NECAB1: variants seen among roughly 807,000 people sequenced by gnomAD.
NECAB1 encodes N-terminal EF-hand calcium-binding protein 1.
NECAB1 carries 29 observed loss-of-function variants against 57.5 expected under a neutral mutation model. The ratio of observed to expected loss-of-function variants is 0.50; its 90% confidence interval spans 0.38 to 0.69. The LOEUF is 0.69. Among genes scored for constraint, NECAB1 ranks in the 30% least tolerant of loss-of-function variants. The pLI is 0.00. For synonymous variants in NECAB1, 142 were observed against 147.7 expected (o/e 0.96, Z 0.28); for missense variants, 372 against 413.8 (o/e 0.90, Z 0.88).
chr8:90,814,563 G>A (rs781240312), intron 2 of NECAB1, among the ~76,000 whole-genome samples: 3 of 151,990 alleles, frequency 2.0e-5, no homozygotes, highest in Non-Finnish European at 4.4e-5. Flanking sequence ...ACAACATTAT[G>A]GACACATGGA....
At chr8:90,853,271 T>C (rs1812722894) in intron 3 of NECAB1, among the ~76,000 whole-genome samples, 1 of 152,252 alleles carries the variant, frequency 6.6e-6, no homozygotes, top group African/African-American at 2.4e-5. Flanking sequence ...CTCCAGTTCC[T>C]GCCTCTTTCT....
intron 5 of NECAB1, among the ~76,000 whole-genome samples, chr8:90,891,692 T>C (rs1386424498): frequency 6.6e-6 from 1 of 151,966 alleles, no homozygotes; most frequent in African/African-American, 2.4e-5. Flanking sequence ...AAGACTTTTT[T>C]TCTTTTTCTT....
chr8:90,934,050 A>G (rs1475812236), intron 8 of NECAB1, among the ~76,000 whole-genome samples: 1 of 152,102 alleles, frequency 6.6e-6, no homozygotes, highest in East Asian at 1.9e-4. Flanking sequence ...TTTGCTCTCT[A>G]ATGGCATTCA....
At chr8:90,910,668 T>C (rs1291444651) in intron 5 of NECAB1, among the ~76,000 whole-genome samples, 1 of 152,164 alleles carries the variant, frequency 6.6e-6, no homozygotes, top group East Asian at 1.9e-4. Context: ...TGACCGATTT[T>C]AAGAGTTCAC....
intron 3 of NECAB1, among the ~76,000 whole-genome samples, chr8:90,860,238 CTTTTTTTTT>C (rs34293565): frequency 7.3e-6 from 1 of 136,884 alleles, no homozygotes; most frequent in South Asian, 2.3e-4. Context: ...TCTTTTTTTT[CTTTTTTTTT>C]TTTTTTTAAC....
intron 3 of NECAB1, among the ~76,000 whole-genome samples, chr8:90,852,308 CCCATTATCACAT>C (rs1179713157): frequency 1.2e-4 from 19 of 152,164 alleles, no homozygotes; most frequent in Admixed American, 1.2e-3. Context: ...CAGTAACTTG[CCCATTATCACAT>C]CACTTGTAAA....
At chr8:90,922,976 A>C (rs558128058) in intron 6 of NECAB1, among the ~76,000 whole-genome samples, 2 of 152,332 alleles carry the variant, frequency 1.3e-5, no homozygotes, top group African/African-American at 2.4e-5. Context: ...AAAGGGACAG[A>C]AACTTGGAAG....
At chr8:90,926,734 C>G (rs1810281550) in intron 7 of NECAB1, among the ~76,000 whole-genome samples, 1 of 152,124 alleles carries the variant, frequency 6.6e-6, no homozygotes, top group Non-Finnish European at 1.5e-5. Flanking sequence ...GCAGCCAGCC[C>G]AAAATTATAC....
chr8:90,873,111 G>A (rs967495871), intron 4 of NECAB1, among the ~76,000 whole-genome samples: 40 of 152,136 alleles, frequency 2.6e-4, no homozygotes, highest in African/African-American at 9.4e-4. Flanking sequence ...GGGTTTCAAG[G>A]CAATAACTGA....
chr8:90,939,801 A>C (rs1810625809), intron 9 of NECAB1, among the ~76,000 whole-genome samples: 1 of 152,262 alleles, frequency 6.6e-6, no homozygotes, highest in Admixed American at 6.5e-5. Context: ...GGTATTCAAC[A>C]AATAGTAGCT....
chr8:90,830,149 T>C (rs1812280756), intron 3 of NECAB1, among the ~76,000 whole-genome samples: 1 of 152,076 alleles, frequency 6.6e-6, no homozygotes, highest in African/African-American at 2.4e-5. Flanking sequence ...TCAGTGCTCA[T>C]GGAATAGGCA....
chr8:90,859,974 T>A (rs1812866639), intron 3 of NECAB1, among the ~76,000 whole-genome samples: 1 of 152,150 alleles, frequency 6.6e-6, no homozygotes, highest in Non-Finnish European at 1.5e-5. Context: ...ACAGCAACTT[T>A]ACAAGTGAGC....
chr8:90,867,721 C>T (rs1004604822), intron 3 of NECAB1, among the ~76,000 whole-genome samples: 2 of 152,162 alleles, frequency 1.3e-5, no homozygotes, highest in African/African-American at 4.8e-5. Flanking sequence ...ATGATAAATG[C>T]AAAACGTTTA....
chr8:90,940,737 T>A, intron 9 of NECAB1, 49 bp from the exon 10 acceptor site: 1 of 1,415,700 alleles, frequency 7.1e-7, no homozygotes, highest in Non-Finnish European at 9.8e-7. Flanking sequence ...TCAGCTTAAA[T>A]CGGGCTCCGT....
chr8:90,882,236 G>A (rs183140480), intron 5 of NECAB1, among the ~76,000 whole-genome samples: 65 of 152,260 alleles, frequency 4.3e-4, no homozygotes, highest in African/African-American at 1.5e-3. Context: ...AGATGAGTGA[G>A]TAGGCTAGTT....
chr8:90,892,947 T>C (rs546955245), intron 5 of NECAB1, among the ~76,000 whole-genome samples: 1 of 152,266 alleles, frequency 6.6e-6, no homozygotes, highest in South Asian at 2.1e-4. Context: ...CCCATCTCTC[T>C]AGTTCCACCT....
intron 5 of NECAB1, among the ~76,000 whole-genome samples, chr8:90,906,152 A>G (rs1486712228): frequency 6.6e-6 from 1 of 152,114 alleles, no homozygotes; most frequent in Non-Finnish European, 1.5e-5. Context: ...TTTACGGAGA[A>G]TATGTTTTTG....
At chr8:90,828,364 G>T (rs144193348) in intron 3 of NECAB1, among the ~76,000 whole-genome samples, 1 of 151,988 alleles carries the variant, frequency 6.6e-6, no homozygotes, top group African/African-American at 2.4e-5. Context: ...CAAACTACCT[G>T]TATCAACCAC....
At chr8:90,934,226 A>C in intron 8 of NECAB1, 78 bp from the exon 9 acceptor site, 1 of 983,748 alleles carries the variant, frequency 1.0e-6, no homozygotes, top group Admixed American at 3.0e-5. Context: ...CCATGAGAGA[A>C]CTATGATTTG....
Sources: allele counts gnomAD v4.1 joint callset (sites outside exome capture counted in the v4.1 genomes callset), GRCh38; gene constraint gnomAD v4.1.1; transcripts MANE v1.5; gene names NCBI Gene and HGNC (gene_info 2026-07-23, HGNC 2026-07-21).